Variants in LRRC1 observed in about 807,000 individuals in gnomAD.
LRRC1 encodes leucine rich repeat containing 1.
LRRC1 carries 28 observed loss-of-function variants against 69.9 expected under a neutral mutation model. That is an observed-to-expected ratio of 0.40 (90% CI 0.30 to 0.55). LRRC1 has a LOEUF of 0.55. Ranked by LOEUF, LRRC1 falls within the 20% of genes least tolerant of loss-of-function variation. LRRC1 has a pLI of 0.47. For synonymous variants in LRRC1, 236 were observed against 240.2 expected, an observed-to-expected ratio of 0.98 and a Z score of 0.16; for missense variants, 498 against 609.0, an observed-to-expected ratio of 0.82 and a Z score of 1.92.
intron 10 of LRRC1, chr6:53,905,333 CAAAAAAAAAAAA>C (rs748526111): frequency 1.4e-5 from 1 of 71,268 alleles, no homozygotes; most frequent in Admixed American, 1.7e-4. Flanking sequence ...GACTCTATCT[CAAAAAAAAAAAA>C]AAAAAAAAAA....
intron 1 of LRRC1, among the ~76,000 whole-genome samples, chr6:53,836,715 A>G (rs1007814445): frequency 3.3e-5 from 5 of 152,256 alleles, no homozygotes; most frequent in African/African-American, 9.6e-5. Context: ...ACAGCAAATT[A>G]TAAAGTGAAC....
At chr6:53,811,826 C>G (rs146246613) in intron 1 of LRRC1, among the ~76,000 whole-genome samples, 2 of 152,208 alleles carry the variant, frequency 1.3e-5, no homozygotes, top group African/African-American at 4.8e-5. Flanking sequence ...CTTTTACATG[C>G]GAGGTACTAA....
intron 1 of LRRC1, among the ~76,000 whole-genome samples, chr6:53,829,526 A>G (rs1404593173): frequency 6.6e-6 from 1 of 152,180 alleles, no homozygotes; most frequent in Non-Finnish European, 1.5e-5. Context: ...TGGGCCTGGA[A>G]TACCAGGCTG....
intron 4 of LRRC1, among the ~76,000 whole-genome samples, chr6:53,894,724 A>T (rs545888486): frequency 6.6e-6 from 1 of 152,226 alleles, no homozygotes; most frequent in South Asian, 2.1e-4. Context: ...TAAAATTATG[A>T]TTTACAGATT....
At chr6:53,890,785 C>T (rs530540837) in intron 4 of LRRC1, among the ~76,000 whole-genome samples, 1 of 152,246 alleles carries the variant, frequency 6.6e-6, no homozygotes, top group Non-Finnish European at 1.5e-5. Context: ...ACTCCCCATT[C>T]CCCCATTAAT....
intron 2 of LRRC1, among the ~76,000 whole-genome samples, chr6:53,871,422 C>T (rs1766881407): frequency 6.6e-6 from 1 of 152,100 alleles, no homozygotes; most frequent in Non-Finnish European, 1.5e-5. Flanking sequence ...ACTTGTTAGC[C>T]ATTTGTATGT....
chr6:53,921,597 G>GACAT (rs1032713522), intron 13 of LRRC1, among the ~76,000 whole-genome samples: 3 of 152,174 alleles, frequency 2.0e-5, no homozygotes, highest in Non-Finnish European at 2.9e-5. Context: ...TCGTCTCTCA[G>GACAT]ACATCCATCA....
At chr6:53,802,086 G>A (rs1047237907) in intron 1 of LRRC1, among the ~76,000 whole-genome samples, 1 of 152,154 alleles carries the variant, frequency 6.6e-6, no homozygotes, top group Non-Finnish European at 1.5e-5. Context: ...TGTACTGCCC[G>A]CCTGGGAGCA....
Position 53,810,477 on chromosome 6 carries a change from G to A in LRRC1, c.159+15062G>A, listed in dbSNP as rs922147620. Among the ~76,000 whole-genome samples, 7 of 152,060 alleles carry A rather than the reference G, an allele frequency of 4.6e-5. No homozygotes were observed. The East Asian group carries it at 9.7e-4, about 21-fold the overall frequency. ...CTACTAAAAATACAAAAAATTAGCC[G>A]GGCGTGGTCGTGGGCACCTGTAGTC... On this transcript the variant is annotated intron_variant, in intron 1 of 13. Transcript: ENST00000370888.
intron 3 of LRRC1, among the ~76,000 whole-genome samples, chr6:53,880,098 A>C (rs1464222561): frequency 5.9e-5 from 9 of 152,144 alleles, no homozygotes; most frequent in Non-Finnish European, 1.3e-4. Context: ...CATCTCACCC[A>C]CTTCAAAATT....
At chr6:53,810,060 GTAGGCAAAGAA>G (rs1378642449) in intron 1 of LRRC1, among the ~76,000 whole-genome samples, 2 of 152,206 alleles carry the variant, frequency 1.3e-5, no homozygotes, top group African/African-American at 4.8e-5. Flanking sequence ...CGGGAAGCAG[GTAGGCAAAGAA>G]TAGTTGGAAA....
intron 1 of LRRC1, among the ~76,000 whole-genome samples, chr6:53,807,216 A>G (rs1221178104): frequency 6.6e-6 from 1 of 152,110 alleles, no homozygotes; most frequent in East Asian, 1.9e-4. Context: ...CTTCAGAGAC[A>G]TCTTGGTTCA....
chr6:53,795,235 C>G lies in LRRC1; in HGVS notation c.-22C>G. 6.3e-7 allele frequency: 1 copy of G among 1,589,828 alleles called. No homozygotes were observed. The highest frequency in any genetic ancestry group is 8.5e-7 in the Non-Finnish European group (1 of 1,171,168). On this transcript the variant is annotated 5_prime_UTR_variant, in exon 1 of 14. Coordinates refer to ENST00000370888, the MANE Select transcript of LRRC1 (RefSeq NM_018214.5). ...CGGGTCTCCGCCGCTCGGGACCCGG[C>G]TAGGCGGCGGCGGGGGCGGCGATGT... is the stretch of plus-strand genomic sequence containing the variant.
chr6:53,905,899 G>C (rs1768218370), intron 10 of LRRC1, among the ~76,000 whole-genome samples: 1 of 152,180 alleles, frequency 6.6e-6, no homozygotes, highest in Non-Finnish European at 1.5e-5. Context: ...TCAACTAAGA[G>C]ATTCTACTAA....
intron 1 of LRRC1, among the ~76,000 whole-genome samples, chr6:53,810,250 C>T (rs1764752904): frequency 6.6e-6 from 1 of 152,208 alleles, no homozygotes; most frequent in Non-Finnish European, 1.5e-5. Flanking sequence ...AACCCTATGT[C>T]TTCTGCCAAA....
chr6:53,803,849 G>A (rs985600971), intron 1 of LRRC1, among the ~76,000 whole-genome samples: 2 of 152,130 alleles, frequency 1.3e-5, no homozygotes, highest in African/African-American at 4.8e-5. Flanking sequence ...GAATGGAGAG[G>A]ACTCTGTCCA....
chr6:53,795,447 C>T lies in LRRC1; in HGVS notation c.159+32C>T, dbSNP rs199806487. ...GTCCGGCCTCACCTGAGCGCTCTGCCCGCTCGTCTGCTGTCCCTTCCGCTC... is the reference window on the plus strand; with the variant it reads ...GTCCGGCCTCACCTGAGCGCTCTGCTCGCTCGTCTGCTGTCCCTTCCGCTC... On this transcript the variant is annotated intron_variant, in intron 1 of 13. Coordinates refer to ENST00000370888, the MANE Select transcript of LRRC1 (RefSeq NM_018214.5). 226 of 1,589,702 alleles carry T rather than the reference C, an allele frequency of 1.4e-4. 2 individuals are homozygous for T. The African/African-American group carries it at 2.4e-3, about 17-fold the overall frequency.
intron 10 of LRRC1, among the ~76,000 whole-genome samples, chr6:53,907,240 A>AACTGT: frequency 6.6e-6 from 1 of 152,340 alleles, no homozygotes; most frequent in East Asian, 1.9e-4. Context: ...TTGCATACAT[A>AACTGT]TCTAAACTGA....
At chr6:53,800,406 C>T (rs1022784985) in intron 1 of LRRC1, among the ~76,000 whole-genome samples, 1 of 151,658 alleles carries the variant, frequency 6.6e-6, no homozygotes, top group Non-Finnish European at 1.5e-5. Flanking sequence ...CGCACACCAC[C>T]ACGCCCAGCT....
Sources: gnomAD v4.1 joint callset for allele counts (sites outside exome capture counted in the v4.1 genomes callset) on GRCh38, gnomAD v4.1.1 for gene constraint, MANE v1.5 for transcripts, NCBI Gene and HGNC (gene_info 2026-07-23, HGNC 2026-07-21) for gene names.